The following THOC5 variants were observed in gnomAD, a reference collection of about 807,000 sequenced individuals.
THOC5 encodes Fms-interacting protein.
A neutral mutation model predicts 92.9 loss-of-function variants in THOC5; 43 were observed. The observed-to-expected ratio is 0.46, with a 90% CI of 0.36 to 0.60. The LOEUF (loss-of-function observed/expected upper bound fraction) is 0.60. Among genes scored for constraint, THOC5 ranks in the 20% least tolerant of loss-of-function variants. The pLI is 0.00. For synonymous variants in THOC5, 296 were observed against 320.1 expected (o/e 0.92, Z 0.80); for missense variants, 659 against 849.4 (o/e 0.78, Z 2.79).
rs937873497 is a variant in THOC5, at chr22:29,529,034, G to A, written c.925+128C>T. ...TGAGCTCTCTTTCCTGTCTACTCCAGGGTGCTAAGACATTCAAGTCAAGCT... is the reference window on the plus strand; with the variant it reads ...TGAGCTCTCTTTCCTGTCTACTCCAAGGTGCTAAGACATTCAAGTCAAGCT... On this transcript the variant is annotated intron_variant, in intron 9 of 19. Transcript: ENST00000490103. 2.2e-5 allele frequency: 20 copies of A among 890,320 alleles called. No individual in the cohort carries two copies. The African/African-American group carries it at 3.3e-4, about 15-fold the overall frequency. The allele number at this position is 890,320 out of a possible 1,614,324, so 55.2% of individuals were successfully genotyped here.
intron 7 of THOC5, chr22:29,534,966 A>AAAC (rs2063729229): frequency 6.6e-6 from 1 of 150,940 alleles, no homozygotes; most frequent in South Asian, 2.1e-4. Flanking sequence ...CTCAAAAAAA[A>AAAC]AAAAAAAAAA....
At chr22:29,547,731 C>T (rs2064052750) in intron 2 of THOC5, among the ~76,000 whole-genome samples, 1 of 152,184 alleles carries the variant, frequency 6.6e-6, no homozygotes, top group South Asian at 2.1e-4. Context: ...CCACATTTTC[C>T]TGTCTTCTTC....
intron 7 of THOC5, chr22:29,534,455 T>A (rs1050911299): frequency 6.6e-6 from 1 of 152,142 alleles, no homozygotes; most frequent in East Asian, 1.9e-4. Context: ...TAATATATGG[T>A]ACACTGTTTT....
intron 5 of THOC5, among the ~76,000 whole-genome samples, chr22:29,541,099 C>A (rs1017708612): frequency 6.6e-6 from 1 of 151,708 alleles, no homozygotes; most frequent in Non-Finnish European, 1.5e-5. Context: ...TGCATGCAAT[C>A]GCTTGAACCC....
intron 5 of THOC5, among the ~76,000 whole-genome samples, chr22:29,539,997 C>A (rs536998817): frequency 3.9e-4 from 59 of 152,298 alleles, no homozygotes; most frequent in Non-Finnish European, 6.8e-4. Flanking sequence ...AAAAGAAATT[C>A]TGCCAGGCGC....
chr22:29,520,422 C>T (rs1014530664), intron 13 of THOC5, among the ~76,000 whole-genome samples: 1 of 152,210 alleles, frequency 6.6e-6, no homozygotes, highest in Non-Finnish European at 1.5e-5. Context: ...AATTAATCCT[C>T]GGATAATTAA....
At chr22:29,524,618 T>C (rs570313227) in intron 12 of THOC5, among the ~76,000 whole-genome samples, 23 of 152,198 alleles carry the variant, frequency 1.5e-4, no homozygotes, top group Non-Finnish European at 2.2e-4. Flanking sequence ...AACTGGGTGC[T>C]CAGAAGCAAG....
At chr22:29,537,860 C>T (rs1398783932) in intron 6 of THOC5, among the ~76,000 whole-genome samples, 6 of 152,096 alleles carry the variant, frequency 3.9e-5, no homozygotes, top group Admixed American at 3.3e-4. Flanking sequence ...CATTGCATTC[C>T]AGCCTGGGCG....
Position 29,520,102 on chromosome 22 carries a change from A to G in THOC5, c.1280T>C (p.Ile427Thr), listed in dbSNP as rs759375537. 3.1e-6 allele frequency: 5 copies of G among 1,613,160 alleles called. No individual in the cohort carries two copies. The highest frequency in any genetic ancestry group is 3.3e-4 in the Middle Eastern group (2 of 6,056). ...AAGTACATAGTCGCTCAAAGTCAGG[A>G]TGCTGCAGAAAAGAAGATAAATAAA... Reference protein sequence around the residue: ...ANQYQFDKVGILTLSDYVLEL... With the variant: ...ANQYQFDKVGTLTLSDYVLEL... Residue 427 changes from isoleucine to threonine, a missense_variant and splice_region_variant, in exon 14 of 20, where the codon ATC (isoleucine) becomes ACC (threonine). Physicochemically the swap from Ile to Thr is moderately conservative, Grantham distance 89. Coordinates refer to ENST00000490103, the MANE Select transcript of THOC5 (RefSeq NM_003678.5).
chr22:29,523,419 C>G (rs1244352182), intron 12 of THOC5, among the ~76,000 whole-genome samples: 1 of 152,104 alleles, frequency 6.6e-6, no homozygotes, highest in African/African-American at 2.4e-5. Context: ...AGCCATGATA[C>G]AGTCCTGCCC....
intron 19 of THOC5, among the ~76,000 whole-genome samples, chr22:29,510,204 T>G (rs1265113777): frequency 6.6e-6 from 1 of 152,262 alleles, no homozygotes; most frequent in Admixed American, 6.5e-5. Context: ...TGTCAGGAAC[T>G]GCTGGCATTT....
chr22:29,511,807 T>C (rs529265621), intron 18 of THOC5, among the ~76,000 whole-genome samples: 1 of 152,200 alleles, frequency 6.6e-6, no homozygotes, highest in Non-Finnish European at 1.5e-5. Flanking sequence ...ACTCTCTAAG[T>C]GGGGAAACCT....
chr22:29,548,065 T>G (rs1188334169), intron 2 of THOC5, among the ~76,000 whole-genome samples: 1 of 152,104 alleles, frequency 6.6e-6, no homozygotes, highest in African/African-American at 2.4e-5. Context: ...TGAGGCTTAT[T>G]CACTATAATA....
At chr22:29,537,272 C>T (rs1023837142) in intron 6 of THOC5, among the ~76,000 whole-genome samples, 3 of 152,210 alleles carry the variant, frequency 2.0e-5, no homozygotes, top group Admixed American at 2.0e-4. Context: ...GAGTCAGTGC[C>T]CAGCACAATC....
intron 13 of THOC5, among the ~76,000 whole-genome samples, chr22:29,520,725 A>G (rs549767120): frequency 2.0e-5 from 3 of 152,298 alleles, no homozygotes; most frequent in South Asian, 2.1e-4. Flanking sequence ...CGAACTCCTG[A>G]GCTCAAGGAA....
intron 8 of THOC5, among the ~76,000 whole-genome samples, chr22:29,529,506 T>C (rs993760397): frequency 6.6e-6 from 1 of 152,228 alleles, no homozygotes; most frequent in African/African-American, 2.4e-5. Context: ...GCCTCTCTTT[T>C]TTGGTGCACA....
At chr22:29,511,337 G>T in intron 18 of THOC5, 41 bp from the exon 19 acceptor site, 1 of 1,584,294 alleles carries the variant, frequency 6.3e-7, no homozygotes, top group Non-Finnish European at 8.6e-7. Flanking sequence ...CTACCTTCCT[G>T]CATGTGGGGG....
intron 12 of THOC5, among the ~76,000 whole-genome samples, chr22:29,522,317 A>G (rs1396735760): frequency 6.6e-6 from 1 of 152,022 alleles, no homozygotes; most frequent in Non-Finnish European, 1.5e-5. Flanking sequence ...CCAAGATTGC[A>G]CCACTGCACT....
intron 6 of THOC5, among the ~76,000 whole-genome samples, chr22:29,537,662 C>A (rs535424978): frequency 6.6e-6 from 1 of 152,096 alleles, no homozygotes; most frequent in East Asian, 2.0e-4. Flanking sequence ...GAAGCCGAGG[C>A]AGGTGAATCA....
Sources: allele counts gnomAD v4.1 joint callset (sites outside exome capture counted in the v4.1 genomes callset), GRCh38; gene constraint gnomAD v4.1.1; transcripts MANE v1.5; gene names NCBI Gene and HGNC (gene_info 2026-07-23, HGNC 2026-07-21).